The following LAPTM4B variants were observed in gnomAD, a reference collection of about 807,000 sequenced individuals.
LAPTM4B encodes lysosomal-associated transmembrane protein 4B.
LAPTM4B carries 26 observed loss-of-function variants against 28.5 expected under a neutral mutation model. The observed-to-expected ratio is 0.91, with a 90% CI of 0.67 to 1.27. The LOEUF is 1.27. LAPTM4B is among the 50% of genes most tolerant of loss of function. LAPTM4B has a pLI of 0.00. For missense variants in LAPTM4B, 288 were observed against 285.8 expected (o/e 1.01, Z -0.06); for synonymous variants, 109 against 106.4 (o/e 1.02, Z -0.15).
chr8:97,843,842 A>G (rs1817389945), intron 6 of LAPTM4B, among the ~76,000 whole-genome samples: 1 of 152,136 alleles, frequency 6.6e-6, no homozygotes, highest in South Asian at 2.1e-4. Flanking sequence ...CAGTTGCTAA[A>G]GTCTTGAAGA....
chr8:97,815,958 T>G, intron 3 of LAPTM4B, 100 bp from the exon 4 acceptor site: 2 of 1,223,890 alleles, frequency 1.6e-6, no homozygotes, highest in Non-Finnish European at 2.2e-6. Flanking sequence ...GAATTCCAAT[T>G]TTTCCATTTC....
At chr8:97,815,680 C>T (rs1287695255) in intron 3 of LAPTM4B, among the ~76,000 whole-genome samples, 4 of 152,120 alleles carry the variant, frequency 2.6e-5, no homozygotes, top group Non-Finnish European at 5.9e-5. Flanking sequence ...GATTCTCCCA[C>T]CTCAGCCTCC....
chr8:97,811,205 T>C (rs1816820603), intron 2 of LAPTM4B, among the ~76,000 whole-genome samples: 1 of 152,120 alleles, frequency 6.6e-6, no homozygotes, highest in Non-Finnish European at 1.5e-5. Context: ...AAGCTAAATA[T>C]ACATCTACCC....
chr8:97,812,498 C>T (rs748219136), intron 2 of LAPTM4B, among the ~76,000 whole-genome samples: 5 of 152,078 alleles, frequency 3.3e-5, no homozygotes, highest in South Asian at 2.1e-4. Flanking sequence ...TGAACGACTG[C>T]GCCCGTCCTA....
intron 6 of LAPTM4B, among the ~76,000 whole-genome samples, chr8:97,830,360 A>G (rs1055985694): frequency 6.6e-6 from 1 of 152,068 alleles, no homozygotes; most frequent in Non-Finnish European, 1.5e-5. Flanking sequence ...ACTCTAGGAG[A>G]GAGTTAAGGG....
At chr8:97,815,979 A>C in intron 3 of LAPTM4B, 79 bp from the exon 4 acceptor site, 1 of 1,315,234 alleles carries the variant, frequency 7.6e-7, no homozygotes, top group Non-Finnish European at 1.0e-6. Flanking sequence ...CTTTCAGATT[A>C]ATAAAATACT....
At chr8:97,812,950 C>A (rs1816852060) in intron 2 of LAPTM4B, among the ~76,000 whole-genome samples, 1 of 152,228 alleles carries the variant, frequency 6.6e-6, no homozygotes, top group South Asian at 2.1e-4. Flanking sequence ...TCCACCTAAC[C>A]AAACTGTGTA....
At chr8:97,789,104 G>A (rs1816456819) in intron 1 of LAPTM4B, among the ~76,000 whole-genome samples, 1 of 146,946 alleles carries the variant, frequency 6.8e-6, no homozygotes, top group South Asian at 2.2e-4. Flanking sequence ...ACGGAGTTTT[G>A]CTCTTGTTGC....
At chr8:97,848,516 T>C (rs1423985476) in intron 6 of LAPTM4B, among the ~76,000 whole-genome samples, 2 of 152,054 alleles carry the variant, frequency 1.3e-5, no homozygotes, top group Non-Finnish European at 2.9e-5. Flanking sequence ...TAGCTGATTT[T>C]TACCTTTTAA....
In LAPTM4B at chr8:97,815,389, C is replaced by T. The variant is rs763122475; in HGVS notation, c.273C>T (p.Tyr91=). The change falls in exon 3 of 7, where the codon TAC becomes TAT. Residue 91 remains tyrosine (Y), a synonymous_variant. Transcript: ENST00000521545. ...TCCTGATATGTGCTATGGCTACTTACGGAGCGTACAAGGTAAGCCGCTTGC... is the reference window on the plus strand; with the variant it reads ...TCCTGATATGTGCTATGGCTACTTATGGAGCGTACAAGGTAAGCCGCTTGC... ...LMILICAMAT[Y]GAYKQRAAWI... is the part of the protein sequence containing the mutation. 3.4e-5 allele frequency: 55 copies of T among 1,613,206 alleles called. No homozygotes were observed. The highest frequency in any genetic ancestry group is 4.2e-5 in the Non-Finnish European group (50 of 1,179,330).
At chr8:97,778,147 A>G (rs1160950361) in intron 1 of LAPTM4B, among the ~76,000 whole-genome samples, 1 of 152,194 alleles carries the variant, frequency 6.6e-6, no homozygotes, top group Admixed American at 6.6e-5. Flanking sequence ...AACGTTTGGA[A>G]ATAAATGGCC....
Position 97,848,076 on chromosome 8 carries a change from C to T in LAPTM4B, c.604-3321C>T, listed in dbSNP as rs145397236. Among the ~76,000 whole-genome samples, 157 of 152,256 alleles carry T rather than the reference C, an allele frequency of 1.0e-3. 1 individual carries two copies. Among genetic ancestry groups the T allele is most frequent in the Middle Eastern group, 3.4e-3 (1 of 294 alleles). On this transcript the variant is annotated intron_variant, in intron 6 of 6. Transcript: ENST00000521545. ...GGCAGAAGTTCTGGACCAGCCTGGC[C>T]AACGTGGCAAAACCCCATCACTACT...
chr8:97,837,362 T>C (rs572669942), intron 6 of LAPTM4B, among the ~76,000 whole-genome samples: 1 of 152,102 alleles, frequency 6.6e-6, no homozygotes, highest in African/African-American at 2.4e-5. Context: ...CTGGCTAATT[T>C]TTGTATGTTT....
intron 2 of LAPTM4B, among the ~76,000 whole-genome samples, chr8:97,808,464 T>C (rs62524078): frequency 2.2e-5 from 1 of 45,574 alleles, no homozygotes; most frequent in African/African-American, 6.3e-5. Context: ...AAAATAAAAT[T>C]AAATAATCCA....
chr8:97,811,895 T>TCC (rs1313329466), intron 2 of LAPTM4B, among the ~76,000 whole-genome samples: 9 of 152,242 alleles, frequency 5.9e-5, no homozygotes, highest in African/African-American at 2.2e-4. Flanking sequence ...AACCTCTGCC[T>TCC]CATGGGCTCA....
intron 2 of LAPTM4B, among the ~76,000 whole-genome samples, chr8:97,810,671 T>C (rs1586330868): frequency 6.6e-6 from 1 of 152,374 alleles, no homozygotes; most frequent in South Asian, 2.1e-4. Context: ...TGGAATTTTA[T>C]TTGTGAAATT....
chr8:97,796,720 AC>A (rs1816590391), intron 1 of LAPTM4B, among the ~76,000 whole-genome samples: 1 of 150,724 alleles, frequency 6.6e-6, no homozygotes, highest in Non-Finnish European at 1.5e-5. Context: ...TGGGCAGATC[AC>A]CTGAGGTCAG....
Position 97,831,226 on chromosome 8 carries a change from C to T in LAPTM4B, c.603+6073C>T, listed in dbSNP as rs992026362. Among the ~76,000 whole-genome samples the T allele has an allele frequency of 2.0e-5, 3 of 152,146 alleles. No homozygotes were observed. The South Asian group carries it at 6.2e-4, about 32-fold the overall frequency. On this transcript the variant is annotated intron_variant, in intron 6 of 6. Transcript: ENST00000521545. ...AAGGCTGGACTGTTACCAGATTGTA[C>T]GGAGGTAGGAAGACCAAATTGAGGA...
chr8:97,792,877 A>G (rs1006911677), intron 1 of LAPTM4B, among the ~76,000 whole-genome samples: 1 of 152,168 alleles, frequency 6.6e-6, no homozygotes, highest in African/African-American at 2.4e-5. Context: ...TGCGCCCAGC[A>G]TAACAGTCAA....
Sources: allele counts gnomAD v4.1 joint callset (sites outside exome capture counted in the v4.1 genomes callset), GRCh38; gene constraint gnomAD v4.1.1; transcripts MANE v1.5; gene names NCBI Gene and HGNC (gene_info 2026-07-23, HGNC 2026-07-21).